DPP6: variants seen among roughly 807,000 people sequenced by gnomAD.
The protein encoded by DPP6 is A-type potassium channel modulatory protein DPP6.
DPP6 carries 69 observed loss-of-function variants against 122.6 expected under a neutral mutation model. The ratio of observed to expected loss-of-function variants is 0.56; its 90% CI spans 0.46 to 0.69. The LOEUF is 0.69. DPP6 is among the 30% of genes least tolerant of loss of function. The probability of loss-of-function intolerance (pLI) is 0.00; values close to 1 mark genes in which losing one functional copy is unlikely to be tolerated. For missense variants in DPP6, 928 were observed against 1,116.9 expected (o/e 0.83, Z 2.41); for synonymous variants, 418 against 433.1 (o/e 0.97, Z 0.43).
chr7:154,681,269 G>A (rs982895890), intron 7 of DPP6, among the ~76,000 whole-genome samples: 9 of 152,188 alleles, frequency 5.9e-5, no homozygotes, highest in African/African-American at 2.2e-4. Flanking sequence ...GACTGAAACA[G>A]TGTATCATTT....
chr7:154,532,330 G>A (rs746918089), intron 3 of DPP6, among the ~76,000 whole-genome samples: 5 of 152,002 alleles, frequency 3.3e-5, no homozygotes, highest in African/African-American at 4.8e-5. Flanking sequence ...TTTGTGAGAC[G>A]TCACTAATGC....
the DPP6 span, among the ~76,000 whole-genome samples, chr7:153,859,206 G>A: frequency 1.3e-5 from 2 of 152,206 alleles, no homozygotes; most frequent in Non-Finnish European, 2.9e-5. Flanking sequence ...GGACCCTGAG[G>A]CAGGGCTGGA....
At chr7:153,911,110 T>C (rs1800072074) in intron 1 of DPP6, among the ~76,000 whole-genome samples, 1 of 152,220 alleles carries the variant, frequency 6.6e-6, no homozygotes. Flanking sequence ...GGCTGGCTGA[T>C]GTAGAGGCCT....
At chr7:154,801,317 G>A (rs1272893560) in intron 12 of DPP6, 38 bp from the exon 13 acceptor site, 4 of 1,554,668 alleles carry the variant, frequency 2.6e-6, no homozygotes, top group Non-Finnish European at 3.5e-6. Context: ...AATAAATGAT[G>A]TTTTAGTTGT....
intron 1 of DPP6, among the ~76,000 whole-genome samples, chr7:154,268,188 C>G (rs1248578206): frequency 1.3e-5 from 2 of 152,152 alleles, no homozygotes; most frequent in Non-Finnish European, 2.9e-5. Context: ...GTGATTGTCT[C>G]ACCATCAACA....
chr7:153,932,309 C>T (rs965499574), intron 1 of DPP6, among the ~76,000 whole-genome samples: 8 of 151,912 alleles, frequency 5.3e-5, no homozygotes, highest in South Asian at 2.1e-4. Flanking sequence ...TTAGTAGACA[C>T]GGGGTTTCAC....
At chr7:154,574,441 TGTGTGTG>T (rs1185841994) in intron 5 of DPP6, among the ~76,000 whole-genome samples, 17 of 130,680 alleles carry the variant, frequency 1.3e-4, no homozygotes, top group Admixed American at 1.2e-3. Context: ...TGTGTGTGTA[TGTGTGTG>T]GTGTGTGTGT....
chr7:154,842,856 G>T lies in DPP6; in HGVS notation c.1667-10924G>T, dbSNP rs578037224. ...TTCTGCTATCAGCAGGCGTGCCATT[G>T]TATATTTCAGTTTGAACATCAGGGC... On this transcript the variant is annotated intron_variant, in intron 16 of 25. Coordinates refer to ENST00000377770, the MANE Select transcript of DPP6 (RefSeq NM_130797.4). Among the ~76,000 whole-genome samples the T allele has an allele frequency of 2.6e-5, 4 of 152,340 alleles. No homozygotes were observed. The South Asian group carries it at 8.3e-4, about 32-fold the overall frequency.
chr7:154,859,615 T>TACAA (rs1489338014), intron 17 of DPP6, among the ~76,000 whole-genome samples: 12 of 152,224 alleles, frequency 7.9e-5, no homozygotes, highest in Non-Finnish European at 2.9e-5. Context: ...AAATCTTATC[T>TACAA]ACAAACAGAG....
At chr7:154,725,499 T>C (rs749635116) in intron 7 of DPP6, among the ~76,000 whole-genome samples, 32 of 152,080 alleles carry the variant, frequency 2.1e-4, no homozygotes, top group Non-Finnish European at 3.7e-4. Flanking sequence ...TATACACTTT[T>C]AAACAGCCAG....
the DPP6 span, among the ~76,000 whole-genome samples, chr7:153,845,905 G>A: frequency 6.6e-6 from 1 of 151,982 alleles, no homozygotes; most frequent in Non-Finnish European, 1.5e-5. Context: ...AATGCACCTT[G>A]ATTTAATTAT....
At chr7:154,652,050 AGAG>A (rs1836910323) in intron 6 of DPP6, among the ~76,000 whole-genome samples, 1 of 152,206 alleles carries the variant, frequency 6.6e-6, no homozygotes, top group Non-Finnish European at 1.5e-5. Context: ...AGTGCGTGGA[AGAG>A]GAGATGGCAT....
intron 1 of DPP6, among the ~76,000 whole-genome samples, chr7:153,895,814 C>A (rs981600577): frequency 1.3e-5 from 2 of 152,054 alleles, no homozygotes; most frequent in Admixed American, 1.3e-4. Context: ...TCCAGCATAG[C>A]TGAAGATCTG....
At chr7:154,266,087 A>G (rs1803401728) in intron 1 of DPP6, among the ~76,000 whole-genome samples, 1 of 152,162 alleles carries the variant, frequency 6.6e-6, no homozygotes, top group African/African-American at 2.4e-5. Flanking sequence ...GTCTATGATG[A>G]GATTTCTCTC....
upstream of DPP6, among the ~76,000 whole-genome samples, chr7:154,050,268 C>T (rs1476818): frequency 0.69 from 105,052 of 151,370 alleles, 36,818 homozygotes; most frequent in African/African-American, 0.81. Flanking sequence ...AGTTAGATTA[C>T]AGTTACCTAC....
At chr7:154,325,860 G>A (rs1167224759) in intron 1 of DPP6, among the ~76,000 whole-genome samples, 4 of 152,116 alleles carry the variant, frequency 2.6e-5, no homozygotes, top group Non-Finnish European at 5.9e-5. Flanking sequence ...TATAAATTGT[G>A]CCTCTCTGTT....
intron 1 of DPP6, among the ~76,000 whole-genome samples, chr7:154,342,210 A>G (rs1355444730): frequency 6.6e-6 from 1 of 152,194 alleles, no homozygotes; most frequent in Non-Finnish European, 1.5e-5. Flanking sequence ...GCAGGGTCTG[A>G]CAACCAGGTT....
intron 5 of DPP6, among the ~76,000 whole-genome samples, chr7:154,620,742 T>C (rs1416954486): frequency 2.6e-5 from 4 of 152,268 alleles, no homozygotes; most frequent in Non-Finnish European, 4.4e-5. Context: ...CCATTAGTTA[T>C]ACTTCCATAC....
At chr7:154,525,948 A>T (rs1753437015) in intron 3 of DPP6, among the ~76,000 whole-genome samples, 2 of 152,214 alleles carry the variant, frequency 1.3e-5, no homozygotes, top group African/African-American at 4.8e-5. Context: ...TGCAGTTCTC[A>T]TAATCCCAAA....
Sources: gnomAD v4.1 joint callset for allele counts (sites outside exome capture counted in the v4.1 genomes callset) on GRCh38, gnomAD v4.1.1 for gene constraint, MANE v1.5 for transcripts, NCBI Gene and HGNC (gene_info 2026-07-23, HGNC 2026-07-21) for gene names.